C22orf42: variants seen among roughly 807,000 people sequenced by gnomAD.
C22orf42 encodes chromosome 22 open reading frame 42, also known as uncharacterized protein C22orf42.
In C22orf42, 24 loss-of-function variants were observed where a neutral mutation model predicts 31.4. The ratio of observed to expected loss-of-function variants is 0.77; its 90% CI spans 0.55 to 1.08. C22orf42 has a LOEUF of 1.08. Among genes scored for constraint, C22orf42 ranks in the 50% least tolerant of loss-of-function variants. The pLI is 0.00. For synonymous variants in C22orf42, 96 were observed against 112.7 expected (o/e 0.85, Z 0.94); for missense variants, 276 against 327.3 (o/e 0.84, Z 1.21).
At position 32,151,526 on chromosome 22, in the gene C22orf42, A is replaced by C; in HGVS notation, c.426T>G (p.Ser142=). 1 of 1,613,838 alleles carries C rather than the reference A, an allele frequency of 6.2e-7. No individual in the cohort carries two copies. The highest frequency in any genetic ancestry group is 8.5e-7 in the Non-Finnish European group (1 of 1,179,704). Residue 142 remains serine (S), a synonymous_variant, in exon 5 of 9, where the codon TCT becomes TCG. Transcript: ENST00000382097. ...DHRPTEDVQV[S]AHGGVEENIT... Reference sequence around the variant, plus strand: ...TATTCTCCTCCACACCGCCGTGTGCAGACACCTGCACATCTTCAGTGGGAC... The same window carrying C: ...TATTCTCCTCCACACCGCCGTGTGCCGACACCTGCACATCTTCAGTGGGAC...
intron 5 of C22orf42, 142 bp from the exon 6 acceptor site, chr22:32,151,161 A>G (rs1387079337): frequency 2.2e-6 from 2 of 896,674 alleles, no homozygotes; most frequent in Non-Finnish European, 3.5e-6. Context: ...AATAAAGCAT[A>G]GAGGATGCTT....
chr22:32,149,638 T>C (rs374195653), intron 8 of C22orf42, 25 bp from the exon 9 acceptor site: 2 of 1,378,876 alleles, frequency 1.5e-6, no homozygotes, highest in Non-Finnish European at 9.4e-7. Context: ...CAAGACTTCA[T>C]CTCAAAAAAA....
chr22:32,152,226 A>G (rs1381686473), intron 3 of C22orf42, 132 bp from the exon 4 acceptor site: 29 of 1,059,738 alleles, frequency 2.7e-5, no homozygotes, highest in Non-Finnish European at 3.4e-5. Flanking sequence ...CTGGCCCCCA[A>G]ATAAAGCATA....
intron 1 of C22orf42, among the ~76,000 whole-genome samples, chr22:32,156,796 A>G (rs1164904510): frequency 6.6e-6 from 1 of 151,210 alleles, no homozygotes; most frequent in Admixed American, 6.6e-5. Context: ...GCTATTGAAA[A>G]TAATGCAACA....
In C22orf42 at chr22:32,158,967, A is replaced by T; in HGVS notation, c.232+17T>A. The T allele has an allele frequency of 6.2e-7, 1 of 1,613,956 alleles. No individual in the cohort carries two copies. Among genetic ancestry groups the T allele is most frequent in the Non-Finnish European group, 8.5e-7 (1 of 1,179,886 alleles). Reference sequence around the variant, plus strand: ...AGAGAGATGCCAGAGAGCAAATGGCACCCATGGCTTCTTTACCTTTGGACA... The same window carrying T: ...AGAGAGATGCCAGAGAGCAAATGGCTCCCATGGCTTCTTTACCTTTGGACA... On this transcript the variant is annotated intron_variant, in intron 1 of 8. Transcript: ENST00000382097.
intron 3 of C22orf42, 50 bp from the exon 4 acceptor site, chr22:32,152,144 G>A (rs781415286): frequency 6.3e-7 from 1 of 1,581,580 alleles, no homozygotes; most frequent in South Asian, 1.2e-5. Flanking sequence ...AGATCATGCT[G>A]GGTTCTGTTG....
At position 32,154,412 on chromosome 22, in the gene C22orf42, T is replaced by C. The variant is rs1487201388; in HGVS notation, c.233-94A>G. The C allele has an allele frequency of 5.2e-6, 7 of 1,338,056 alleles. No individual in the cohort carries two copies. In the Admixed American group the frequency reaches 8.3e-5, roughly 16 times the overall value. The allele number at this position is 1,338,056 out of a possible 1,614,324, so 82.9% of individuals were successfully genotyped here. On this transcript the variant is annotated intron_variant, in intron 1 of 8. Transcript: ENST00000382097. The stretch of plus-strand genomic sequence containing the variant: ...TTGCTGGCAGAGGATAGCAGAGAAA[T>C]TAGTAAAAACTTATTCACAGATGAA...
rs1603179204 is a variant in C22orf42 at position 32,152,555 on chromosome 22, A to T, written c.372+7T>A. 1.2e-6 allele frequency: 2 copies of T among 1,602,132 alleles called. No homozygotes were observed. The highest frequency in any genetic ancestry group is 4.5e-5 in the East Asian group (2 of 44,846). ...ATTTCTCTTCCAGAGAAAGAAATAC[A>T]TCTTACAATATCTGATGTCATATTC... On this transcript the variant is annotated splice_region_variant and intron_variant, in intron 3 of 8. Coordinates refer to ENST00000382097, the MANE Select transcript of C22orf42 (RefSeq NM_001010859.3).
At chr22:32,152,669 A>G (rs1156688137) in intron 2 of C22orf42, 43 bp from the exon 3 acceptor site, 3 of 1,591,300 alleles carry the variant, frequency 1.9e-6, no homozygotes, top group Non-Finnish European at 2.6e-6. Flanking sequence ...GGTGCTGCTG[A>G]GGAATCCCAC....
At position 32,159,284 on chromosome 22, in the gene C22orf42, T is replaced by C. The variant is rs924162377; in HGVS notation, c.-69A>G. Reference sequence around the variant, plus strand: ...GAATGTAGTCGGAGCTCCTCCTCCTTCTACGGCCAGCTACCGACTGAAGGC... The same window carrying C: ...GAATGTAGTCGGAGCTCCTCCTCCTCCTACGGCCAGCTACCGACTGAAGGC... On this transcript the variant is annotated 5_prime_UTR_variant, in exon 1 of 9. Transcript: ENST00000382097. The C allele has an allele frequency of 1.5e-5, 23 of 1,571,830 alleles. No homozygotes were observed. In the East Asian group the frequency reaches 3.2e-4, roughly 22 times the overall value.
chr22:32,157,903 G>T (rs1921352445), intron 1 of C22orf42, among the ~76,000 whole-genome samples: 1 of 152,272 alleles, frequency 6.6e-6, no homozygotes, highest in South Asian at 2.1e-4. Flanking sequence ...GTCCCTCTGT[G>T]GTGACTGCAC....
upstream of C22orf42, chr22:32,159,423 A>C: frequency 1.1e-5 from 16 of 1,401,960 alleles, no homozygotes; most frequent in Admixed American, 3.0e-5. Flanking sequence ...GACCCACCAA[A>C]TGCCTCACAA....
Position 32,150,447 on chromosome 22 carries a change from C to G in C22orf42, c.526G>C (p.Val176Leu). Residue 176 changes from valine (V) to leucine (L), a missense_variant, in exon 7 of 9, where the codon GTC becomes CTC. Val to Leu is a conservative substitution (Grantham distance 32). Transcript: ENST00000382097. Reference protein sequence around the residue: ...LVEDLSESLSVCLEDFMTSDL... With the variant: ...LVEDLSESLSLCLEDFMTSDL... ...GATGTCATGAAGTCTTCAAGACAGACAGATAGGCTTTCACTGAGATCTTCG... is the reference window on the plus strand; with the variant it reads ...GATGTCATGAAGTCTTCAAGACAGAGAGATAGGCTTTCACTGAGATCTTCG... The G allele has an allele frequency of 3.7e-6, 6 of 1,614,070 alleles. No homozygotes were observed. The highest frequency in any genetic ancestry group is 5.1e-6 in the Non-Finnish European group (6 of 1,180,028).
At chr22:32,150,962 A>C (rs1401487280) in intron 6 of C22orf42, 30 bp downstream of exon 6, 3 of 1,600,704 alleles carry the variant, frequency 1.9e-6, no homozygotes, top group Non-Finnish European at 2.6e-6. Context: ...AACTACACGT[A>C]AATAAAGCTG....
chr22:32,152,605 G>A lies in C22orf42; in HGVS notation c.329C>T (p.Ala110Val), dbSNP rs140804594. The change falls in exon 3 of 9, where the codon GCG (alanine) becomes GTG (valine). Residue 110 changes from alanine to valine, a missense_variant. Physicochemically the swap from Ala to Val is moderately conservative, Grantham distance 64. Coordinates refer to ENST00000382097, the MANE Select transcript of C22orf42 (RefSeq NM_001010859.3). ...ENIGPTEDVQ[A>V]SAHGGVEENM... Reference sequence around the variant, plus strand: ...CTCCTCCACACCGCCGTGTGCAGACGCCTGCACATCTTCAGTGGGACCTAG... The same window carrying A: ...CTCCTCCACACCGCCGTGTGCAGACACCTGCACATCTTCAGTGGGACCTAG... 1.3e-3 allele frequency: 2,109 copies of A among 1,613,556 alleles called. 32 individuals are homozygous for A. In the South Asian group the frequency reaches 0.015, roughly 11 times the overall value.
chr22:32,150,635 A>C (rs1282033292), intron 6 of C22orf42, 156 bp from the exon 7 acceptor site: 6 of 711,834 alleles, frequency 8.4e-6, no homozygotes, highest in Non-Finnish European at 1.4e-5. Flanking sequence ...TGCTGAAGGA[A>C]GGCAAAGGAG....
intron 1 of C22orf42, among the ~76,000 whole-genome samples, chr22:32,157,069 T>A (rs1381394891): frequency 1.3e-5 from 2 of 152,236 alleles, no homozygotes; most frequent in African/African-American, 4.8e-5. Context: ...CTCTTATGTG[T>A]GAAGATGTGT....
rs1416061747 is a variant in C22orf42 at position 32,149,741 on chromosome 22, A to G, written c.682+12T>C. The G allele has an allele frequency of 3.6e-6, 5 of 1,371,476 alleles. No individual in the cohort carries two copies. Among genetic ancestry groups the G allele is most frequent in the African/African-American group, 3.0e-5 (2 of 66,192 alleles). 85.0% of individuals were successfully genotyped at this position (1,371,476 alleles called of 1,614,324 possible). A position where few individuals can be genotyped will look rare whatever the true frequency, so the allele number is the denominator to read the frequency against. ...TATATATCTATATATATCTAGATAT[A>G]TATATACTTACAGAGGTAATCTTCA... On this transcript the variant is annotated intron_variant, in intron 8 of 8. Transcript: ENST00000382097.
intron 1 of C22orf42, among the ~76,000 whole-genome samples, chr22:32,158,561 C>T (rs1921402386): frequency 2.0e-5 from 3 of 152,112 alleles, no homozygotes; most frequent in Non-Finnish European, 4.4e-5. Context: ...CCATGGCAAA[C>T]TCTATTTTGA....
Sources: gnomAD v4.1 joint callset for allele counts (sites outside exome capture counted in the v4.1 genomes callset) on GRCh38, gnomAD v4.1.1 for gene constraint, MANE v1.5 for transcripts, NCBI Gene and HGNC (gene_info 2026-07-23, HGNC 2026-07-21) for gene names.